The following CTNNA2 variants were observed in gnomAD, a reference collection of about 807,000 sequenced individuals.
CTNNA2 encodes catenin alpha-2.
A neutral mutation model predicts 101.0 loss-of-function variants in CTNNA2; 42 were observed. The ratio of observed to expected loss-of-function variants is 0.42; its 90% CI spans 0.32 to 0.54. CTNNA2 has a LOEUF of 0.54. CTNNA2 is among the 20% of genes least tolerant of loss of function. The pLI is 0.14. For missense variants in CTNNA2, 871 were observed against 1,223.1 expected (o/e 0.71, Z 4.29); for synonymous variants, 450 against 456.4 (o/e 0.99, Z 0.18).
intron 3 of CTNNA2, among the ~76,000 whole-genome samples, chr2:79,370,448 G>A (rs1280784084): frequency 6.6e-6 from 1 of 152,144 alleles, no homozygotes; most frequent in Non-Finnish European, 1.5e-5. Context: ...ATTTTCTTTA[G>A]AGTCTGGATG....
chr2:79,695,772 G>T (rs1051388987), intron 2 of CTNNA2, among the ~76,000 whole-genome samples: 8 of 152,016 alleles, frequency 5.3e-5, no homozygotes, highest in Non-Finnish European at 1.0e-4. Context: ...GAGGGTCAGT[G>T]TGTATAACGA....
intron 18 of CTNNA2, among the ~76,000 whole-genome samples, chr2:80,633,742 T>A (rs770452070): frequency 3.3e-5 from 5 of 152,178 alleles, no homozygotes; most frequent in South Asian, 2.1e-4. Context: ...GTACATGTTA[T>A]GAAGATTAAT....
chr2:79,686,599 TTATC>T (rs1046320902), intron 2 of CTNNA2, among the ~76,000 whole-genome samples: 35 of 152,156 alleles, frequency 2.3e-4, no homozygotes, highest in African/African-American at 8.0e-4. Flanking sequence ...ATAAATATAT[TTATC>T]AACAGAATGA....
At chr2:80,190,814 T>A (rs1706454180) in intron 7 of CTNNA2, among the ~76,000 whole-genome samples, 1 of 152,172 alleles carries the variant, frequency 6.6e-6, no homozygotes, top group Non-Finnish European at 1.5e-5. Context: ...TCTCTTATGG[T>A]TTCTTAATTT....
At chr2:79,416,537 C>T (rs1469093161) in intron 4 of CTNNA2, among the ~76,000 whole-genome samples, 1 of 152,060 alleles carries the variant, frequency 6.6e-6, no homozygotes, top group Non-Finnish European at 1.5e-5. Context: ...CAAAACCCCA[C>T]ATTCCAAAAT....
chr2:79,718,829 T>TTA (rs1397712651), intron 2 of CTNNA2, among the ~76,000 whole-genome samples: 114 of 152,160 alleles, frequency 7.5e-4, no homozygotes, highest in African/African-American at 2.5e-3. Flanking sequence ...CACTTGTTTT[T>TTA]TTTTTTTTGT....
At chr2:79,249,529 T>C (rs564006052) in intron 2 of CTNNA2, among the ~76,000 whole-genome samples, 4 of 152,322 alleles carry the variant, frequency 2.6e-5, no homozygotes, top group Non-Finnish European at 5.9e-5. Context: ...GCTTCCAAAA[T>C]GCAATGGGAA....
At chr2:79,282,219 T>A (rs1470823425) in intron 2 of CTNNA2, among the ~76,000 whole-genome samples, 1 of 152,078 alleles carries the variant, frequency 6.6e-6, no homozygotes, top group African/African-American at 2.4e-5. Context: ...TTTCTTTAAA[T>A]CTTTATAATC....
At chr2:79,800,587 G>C (rs1014324052) in intron 3 of CTNNA2, among the ~76,000 whole-genome samples, 18 of 152,078 alleles carry the variant, frequency 1.2e-4, no homozygotes, top group African/African-American at 4.1e-4. Flanking sequence ...GTTTAGAGGA[G>C]CCCACCAGCA....
chr2:79,447,014 T>C (rs1434330294), intron 4 of CTNNA2, among the ~76,000 whole-genome samples: 1 of 151,920 alleles, frequency 6.6e-6, no homozygotes, highest in Admixed American at 6.6e-5. Flanking sequence ...AATATATAGA[T>C]GTACAGTTCC....
intron 2 of CTNNA2, among the ~76,000 whole-genome samples, chr2:79,287,506 AC>A (rs1466549566): frequency 6.6e-6 from 1 of 151,126 alleles, no homozygotes; most frequent in Middle Eastern, 3.2e-3. Flanking sequence ...CTATTGGAGT[AC>A]CCGGCCGTGT....
chr2:79,365,463 A>T (rs1276180579), intron 3 of CTNNA2, among the ~76,000 whole-genome samples: 2 of 149,268 alleles, frequency 1.3e-5, no homozygotes, highest in Non-Finnish European at 3.0e-5. Flanking sequence ...ATCTCTACAA[A>T]TTTTTTTTTT....
chr2:79,892,556 G>A (rs1397179428), intron 6 of CTNNA2, among the ~76,000 whole-genome samples: 1 of 151,928 alleles, frequency 6.6e-6, no homozygotes, highest in Non-Finnish European at 1.5e-5. Flanking sequence ...TTTCCAATTA[G>A]GTCAGTGTAA....
At chr2:79,200,033 G>C (rs776759013) in intron 2 of CTNNA2, among the ~76,000 whole-genome samples, 3 of 91,662 alleles carry the variant, frequency 3.3e-5, no homozygotes, top group East Asian at 2.5e-4. Flanking sequence ...GAATGAGACA[G>C]AGAGAGAGAG....
intron 2 of CTNNA2, among the ~76,000 whole-genome samples, chr2:79,663,045 A>G (rs1682148961): frequency 6.6e-6 from 1 of 152,000 alleles, no homozygotes; most frequent in Non-Finnish European, 1.5e-5. Context: ...GGCTTTTATT[A>G]TCATCGATAT....
intron 7 of CTNNA2, among the ~76,000 whole-genome samples, chr2:79,910,523 C>A (rs1685713880): frequency 6.6e-6 from 1 of 152,222 alleles, no homozygotes; most frequent in South Asian, 2.1e-4. Context: ...TTGCTACATT[C>A]ATTCAGCAGA....
chr2:80,003,538 T>C (rs754816419), intron 7 of CTNNA2, among the ~76,000 whole-genome samples: 1 of 152,184 alleles, frequency 6.6e-6, no homozygotes, highest in Non-Finnish European at 1.5e-5. Context: ...ACACCATTTT[T>C]ACTAGCAGAG....
At chr2:79,631,914 T>C (rs979816747) in intron 1 of CTNNA2, among the ~76,000 whole-genome samples, 3 of 152,228 alleles carry the variant, frequency 2.0e-5, no homozygotes, top group Non-Finnish European at 4.4e-5. Flanking sequence ...TTTGGACTTA[T>C]GGTTTATTCC....
intron 12 of CTNNA2, among the ~76,000 whole-genome samples, chr2:80,563,463 C>T (rs1173375698): frequency 6.6e-6 from 1 of 152,090 alleles, no homozygotes; most frequent in African/African-American, 2.4e-5. Flanking sequence ...AGCCGGAGGG[C>T]CTGAAATAAC....
Sources: allele counts gnomAD v4.1 joint callset (sites outside exome capture counted in the v4.1 genomes callset), GRCh38; gene constraint gnomAD v4.1.1; transcripts MANE v1.5; gene names NCBI Gene and HGNC (gene_info 2026-07-23, HGNC 2026-07-21).